STX8: variants seen among roughly 807,000 people sequenced by gnomAD.
STX8 encodes syntaxin 8.
STX8 carries 23 observed loss-of-function variants against 37.5 expected under a neutral mutation model. The ratio of observed to expected loss-of-function variants is 0.61; its 90% CI spans 0.44 to 0.87. The LOEUF (loss-of-function observed/expected upper bound fraction) is 0.87. Among genes scored for constraint, STX8 ranks in the 40% least tolerant of loss-of-function variants. The pLI is 0.00. For synonymous variants in STX8, 115 were observed against 99.1 expected (o/e 1.16, Z -0.95); for missense variants, 313 against 284.7 (o/e 1.10, Z -0.71).
intron 6 of STX8, among the ~76,000 whole-genome samples, chr17:9,485,591 GT>G (rs5819231): frequency 0.18 from 26,874 of 145,910 alleles, 3,418 homozygotes; most frequent in East Asian, 0.7. Context: ...TTGTTTTTTG[GT>G]TTTTTTTTTT....
intron 3 of STX8, among the ~76,000 whole-genome samples, chr17:9,547,009 G>A (rs1906555104): frequency 6.6e-6 from 1 of 151,322 alleles, no homozygotes; most frequent in Admixed American, 6.6e-5. Context: ...CAGCACTCTG[G>A]GAGGCTGAAG....
At chr17:9,462,908 G>C (rs1905456589) in intron 6 of STX8, among the ~76,000 whole-genome samples, 1 of 152,124 alleles carries the variant, frequency 6.6e-6, no homozygotes, top group Non-Finnish European at 1.5e-5. Context: ...TAAAGAAATG[G>C]ACTGGCCAAG....
intron 4 of STX8, among the ~76,000 whole-genome samples, chr17:9,533,327 G>GCA (rs1481289090): frequency 1.3e-5 from 2 of 152,150 alleles, no homozygotes; most frequent in Non-Finnish European, 2.9e-5. Context: ...AATGAGCTGG[G>GCA]CAGGGTGATA....
intron 7 of STX8, among the ~76,000 whole-genome samples, chr17:9,266,940 G>GA (rs1013240335): frequency 2.6e-5 from 4 of 152,168 alleles, no homozygotes; most frequent in African/African-American, 4.8e-5. Context: ...TGTCGGGGCA[G>GA]AAAAAATGGG....
chr17:9,493,169 G>A (rs1041296819), intron 5 of STX8, among the ~76,000 whole-genome samples: 1 of 152,076 alleles, frequency 6.6e-6, no homozygotes, highest in African/African-American at 2.4e-5. Flanking sequence ...AGGCTGAGGT[G>A]AGAGGATTGG....
Position 9,491,892 on chromosome 17 carries a change from A to C in STX8, c.478T>G (p.Ser160Ala), listed in dbSNP as rs1410373190. 1 of 1,613,886 alleles carries C rather than the reference A, an allele frequency of 6.2e-7. No individual in the cohort carries two copies. The highest frequency in any genetic ancestry group is 1.1e-5 in the South Asian group (1 of 91,022). The part of the protein sequence containing the change: ...EQDAGLDALS[S>A]IISRQKQMGQ... Reference sequence around the variant, plus strand: ...ATTTGTTTTTGGCGACTTATGATAGAGGAAAGGGCATCAAGGCCTGCGTCC... The same window carrying C: ...ATTTGTTTTTGGCGACTTATGATAGCGGAAAGGGCATCAAGGCCTGCGTCC... The change falls in exon 6 of 8, where the codon TCT becomes GCT. Residue 160 changes from serine to alanine, a missense_variant. Transcript: ENST00000306357.
chr17:9,485,185 G>A (rs1391264001), intron 6 of STX8, among the ~76,000 whole-genome samples: 2 of 152,306 alleles, frequency 1.3e-5, no homozygotes, highest in South Asian at 2.1e-4. Context: ...GGCAGAGAAA[G>A]GCTGAGAAGG....
intron 1 of STX8, 29 bp from the exon 2 acceptor site, chr17:9,568,499 G>A (rs773433444): frequency 9.5e-6 from 15 of 1,580,204 alleles, no homozygotes; most frequent in African/African-American, 1.4e-5. Context: ...AAGAGAAAAT[G>A]TTTAAGGTTC....
intron 4 of STX8, among the ~76,000 whole-genome samples, chr17:9,537,386 C>T (rs1005413929): frequency 6.6e-6 from 1 of 152,198 alleles, no homozygotes; most frequent in African/African-American, 2.4e-5. Context: ...GTTCTCCACA[C>T]CCTCATTCTT....
intron 6 of STX8, among the ~76,000 whole-genome samples, chr17:9,482,845 C>T (rs9893788): frequency 0.035 from 5,249 of 152,100 alleles, 293 homozygotes; most frequent in African/African-American, 0.12. Context: ...ACCCGGGAGG[C>T]GGAGGTTATG....
At chr17:9,304,493 G>C (rs1338128728) in intron 7 of STX8, among the ~76,000 whole-genome samples, 2 of 100,680 alleles carry the variant, frequency 2.0e-5, no homozygotes, top group Non-Finnish European at 3.8e-5. Context: ...TGGGCAACAA[G>C]AGCGAAACTG....
At chr17:9,273,052 A>G (rs999268449) in intron 7 of STX8, among the ~76,000 whole-genome samples, 2 of 152,272 alleles carry the variant, frequency 1.3e-5, no homozygotes, top group South Asian at 4.1e-4. Flanking sequence ...GGAAGGGGGA[A>G]AACCGCCCTT....
chr17:9,575,726 T>C, intron 1 of STX8, 66 bp downstream of exon 1: 2 of 1,538,338 alleles, frequency 1.3e-6, no homozygotes, highest in South Asian at 2.4e-5. Context: ...AGTGATTGCC[T>C]GCTCTCCGGA....
chr17:9,540,370 AT>A (rs1906231162), intron 4 of STX8, among the ~76,000 whole-genome samples: 1 of 151,966 alleles, frequency 6.6e-6, no homozygotes, highest in Admixed American at 6.6e-5. Context: ...TCTAGTATGA[AT>A]TTTCTTATTG....
chr17:9,403,073 T>C (rs904984131), intron 6 of STX8, among the ~76,000 whole-genome samples: 3 of 152,004 alleles, frequency 2.0e-5, no homozygotes, highest in Admixed American at 1.3e-4. Context: ...ATTGTAGGGA[T>C]AAGGGGATTT....
At chr17:9,562,231 G>A (rs1015741907) in intron 2 of STX8, among the ~76,000 whole-genome samples, 6 of 151,514 alleles carry the variant, frequency 4.0e-5, no homozygotes, top group Non-Finnish European at 8.8e-5. Flanking sequence ...GTGAAACCCC[G>A]TCTCTACTAA....
chr17:9,416,150 TTA>T (rs1236523276), intron 6 of STX8, among the ~76,000 whole-genome samples: 4 of 152,330 alleles, frequency 2.6e-5, no homozygotes, highest in Admixed American at 6.5e-5. Context: ...TGGTTGCACA[TTA>T]AAAGCATGTG....
chr17:9,565,442 CCT>C (rs1907416993), intron 2 of STX8, among the ~76,000 whole-genome samples: 1 of 151,794 alleles, frequency 6.6e-6, no homozygotes, highest in African/African-American at 2.4e-5. Context: ...ATGGCGAAAC[CCT>C]CTCTCTAATA....
intron 7 of STX8, among the ~76,000 whole-genome samples, chr17:9,264,100 T>C (rs535972934): frequency 6.6e-6 from 1 of 152,282 alleles, no homozygotes; most frequent in Admixed American, 6.5e-5. Flanking sequence ...AGAGACCACA[T>C]GGAAGGACCC....
Sources: allele counts gnomAD v4.1 joint callset (sites outside exome capture counted in the v4.1 genomes callset), GRCh38; gene constraint gnomAD v4.1.1; transcripts MANE v1.5; gene names NCBI Gene and HGNC (gene_info 2026-07-23, HGNC 2026-07-21).